Variants in RPS6KC1 observed in about 807,000 individuals in gnomAD.
RPS6KC1 encodes inactive ribosomal protein S6 kinase delta-1.
A neutral mutation model predicts 103.8 loss-of-function variants in RPS6KC1; 54 were observed. The observed-to-expected ratio is 0.52, with a 90% CI of 0.42 to 0.65. The LOEUF (loss-of-function observed/expected upper bound fraction) is 0.65, where lower values mean the gene tolerates loss of function less well. RPS6KC1 is among the 30% of genes least tolerant of loss of function. RPS6KC1 has a pLI of 0.00. For synonymous variants in RPS6KC1, 439 were observed against 438.7 expected, an observed-to-expected ratio of 1.00 and a Z score of -0.01; for missense variants, 1,151 against 1,253.8, an observed-to-expected ratio of 0.92 and a Z score of 1.24.
At chr1:213,660,304 T>A in the RPS6KC1 span, among the ~76,000 whole-genome samples, 4 of 152,198 alleles carry the variant, frequency 2.6e-5, no homozygotes, top group Non-Finnish European at 5.9e-5. Flanking sequence ...AATGTCCAAG[T>A]TTCATGTCCA....
At chr1:213,605,772 T>G in the RPS6KC1 span, among the ~76,000 whole-genome samples, 1 of 152,148 alleles carries the variant, frequency 6.6e-6, no homozygotes, top group Admixed American at 6.5e-5. Flanking sequence ...ATAGCTGAAG[T>G]GCTGGGTTTG....
chr1:213,479,556 T>C, the RPS6KC1 span, among the ~76,000 whole-genome samples: 12 of 152,088 alleles, frequency 7.9e-5, no homozygotes, highest in African/African-American at 2.2e-4. Context: ...TGGTGCTGTT[T>C]ATTTTTATTG....
At chr1:213,219,477 A>G (rs1378402010) in intron 8 of RPS6KC1, among the ~76,000 whole-genome samples, 1 of 152,214 alleles carries the variant, frequency 6.6e-6, no homozygotes, top group Non-Finnish European at 1.5e-5. Context: ...TAGAACTAGA[A>G]ATACCATTTG....
At chr1:213,087,353 T>C (rs902360370) in intron 3 of RPS6KC1, among the ~76,000 whole-genome samples, 3 of 152,234 alleles carry the variant, frequency 2.0e-5, no homozygotes, top group Non-Finnish European at 4.4e-5. Context: ...GCTATATTTC[T>C]TATCAACATT....
intron 14 of RPS6KC1, among the ~76,000 whole-genome samples, chr1:213,266,808 C>G (rs1241445370): frequency 6.6e-6 from 1 of 151,778 alleles, no homozygotes; most frequent in Non-Finnish European, 1.5e-5. Flanking sequence ...GAGGCTGAGA[C>G]AGGAGAATTG....
At position 213,199,505 on chromosome 1, in the gene RPS6KC1, T is replaced by C. The variant is rs540131919; in HGVS notation, c.1044+23013T>C. ...TATTGAAGGAAATACCTCAAAATAA[T>C]ACGAGCCATCCATGACAAACTCACA... On this transcript the variant is annotated intron_variant, in intron 8 of 14. Coordinates refer to ENST00000366960, the MANE Select transcript of RPS6KC1 (RefSeq NM_012424.6). Among the ~76,000 whole-genome samples, 3 of 152,290 alleles carry C rather than the reference T, an allele frequency of 2.0e-5. No homozygotes were observed. The East Asian group carries it at 5.8e-4, about 29-fold the overall frequency.
the RPS6KC1 span, among the ~76,000 whole-genome samples, chr1:213,545,640 A>G: frequency 1.1e-4 from 17 of 151,934 alleles, no homozygotes; most frequent in Non-Finnish European, 2.4e-4. Context: ...CAAAGACCTT[A>G]TCTCCAAATA....
At chr1:213,554,311 T>G in the RPS6KC1 span, among the ~76,000 whole-genome samples, 1 of 152,196 alleles carries the variant, frequency 6.6e-6, no homozygotes, top group Admixed American at 6.5e-5. Context: ...TATTGTCTTG[T>G]TGAAGATCAC....
the RPS6KC1 span, among the ~76,000 whole-genome samples, chr1:213,460,405 CTT>C: frequency 0.038 from 4,232 of 111,060 alleles, 122 homozygotes; most frequent in East Asian, 0.25. Flanking sequence ...GCAACCCCTG[CTT>C]TTTTTTTTTT....
chr1:213,173,313 T>C (rs539215085), intron 7 of RPS6KC1, among the ~76,000 whole-genome samples: 2 of 152,356 alleles, frequency 1.3e-5, no homozygotes, highest in South Asian at 2.1e-4. Flanking sequence ...AAGAGAACTT[T>C]AATGATCACT....
At chr1:213,056,898 T>C (rs1364322492) in intron 1 of RPS6KC1, among the ~76,000 whole-genome samples, 1 of 151,206 alleles carries the variant, frequency 6.6e-6, no homozygotes, top group African/African-American at 2.4e-5. Context: ...ATGTCTTGTA[T>C]CTCCTCCGTT....
chr1:213,596,514 G>A, the RPS6KC1 span, among the ~76,000 whole-genome samples: 1 of 152,230 alleles, frequency 6.6e-6, no homozygotes, highest in Non-Finnish European at 1.5e-5. Flanking sequence ...ATGGAATGAA[G>A]GGTCAGCTTT....
the RPS6KC1 span, among the ~76,000 whole-genome samples, chr1:213,645,358 C>T: frequency 6.6e-4 from 101 of 152,124 alleles, no homozygotes; most frequent in Admixed American, 5.5e-3. Flanking sequence ...AAAGCCATTA[C>T]GGGTGAGAAA....
rs950357476 is a variant in RPS6KC1, at chr1:213,142,769, G to A, written c.835+12880G>A. ...CGACTTACTGAAGGCTCGGATGATC[G>A]TTGTCATTTTTTAGCAATATTTTTA... On this transcript the variant is annotated intron_variant, in intron 6 of 14. Transcript: ENST00000366960. Among the ~76,000 whole-genome samples, 4 of 151,932 alleles carry A rather than the reference G, an allele frequency of 2.6e-5. No individual in the cohort carries two copies. In the South Asian group the frequency reaches 6.2e-4, roughly 24 times the overall value.
the RPS6KC1 span, among the ~76,000 whole-genome samples, chr1:213,755,405 C>T: frequency 3.3e-5 from 5 of 152,218 alleles, no homozygotes; most frequent in African/African-American, 4.8e-5. Flanking sequence ...CCATGTCCTG[C>T]CTCCCATTGG....
At chr1:213,286,531 A>G in the RPS6KC1 span, among the ~76,000 whole-genome samples, 1 of 152,162 alleles carries the variant, frequency 6.6e-6, no homozygotes, top group Non-Finnish European at 1.5e-5. Flanking sequence ...AGAATTGATC[A>G]CCTTTGGAGA....
chr1:213,809,926 G>A, the RPS6KC1 span, among the ~76,000 whole-genome samples: 3 of 152,204 alleles, frequency 2.0e-5, no homozygotes, highest in African/African-American at 7.2e-5. Context: ...GTAAAGCTGG[G>A]AATAGTTGTG....
At chr1:213,852,662 C>G in the RPS6KC1 span, among the ~76,000 whole-genome samples, 1 of 152,126 alleles carries the variant, frequency 6.6e-6, no homozygotes, top group East Asian at 1.9e-4. Flanking sequence ...TTTTTAAGCA[C>G]TCTGTTAAGC....
the RPS6KC1 span, among the ~76,000 whole-genome samples, chr1:213,436,427 G>T: frequency 6.6e-6 from 1 of 152,232 alleles, no homozygotes; most frequent in African/African-American, 2.4e-5. Context: ...GTTCTGTATA[G>T]TATAACTTAA....
Sources: gnomAD v4.1 joint callset for allele counts (sites outside exome capture counted in the v4.1 genomes callset) on GRCh38, gnomAD v4.1.1 for gene constraint, MANE v1.5 for transcripts, NCBI Gene and HGNC (gene_info 2026-07-23, HGNC 2026-07-21) for gene names.